ZBTB46: variants seen among roughly 807,000 people sequenced by gnomAD.
ZBTB46 encodes zinc finger and BTB domain-containing protein 46.
A neutral mutation model predicts 44.1 loss-of-function variants in ZBTB46; 8 were observed. That is an observed-to-expected ratio of 0.18 (90% CI 0.11 to 0.33). The LOEUF (loss-of-function observed/expected upper bound fraction) is 0.33. ZBTB46 is among the 10% of genes least tolerant of loss of function. The probability of loss-of-function intolerance (pLI) is 1.00; values close to 1 mark genes in which losing one functional copy is unlikely to be tolerated. For missense variants in ZBTB46, 651 were observed against 847.7 expected (o/e 0.77, Z 2.88); for synonymous variants, 409 against 382.3 (o/e 1.07, Z -0.81).
At chr20:63,768,804 G>A (rs188065077) in intron 3 of ZBTB46, among the ~76,000 whole-genome samples, 120 of 152,202 alleles carry the variant, frequency 7.9e-4, no homozygotes, top group African/African-American at 2.8e-3. Flanking sequence ...TGTGAGGCTC[G>A]GACTGGGGCA....
intron 3 of ZBTB46, among the ~76,000 whole-genome samples, chr20:63,771,018 C>G (rs1333948907): frequency 1.9e-4 from 26 of 137,616 alleles, no homozygotes; most frequent in African/African-American, 4.8e-4. Flanking sequence ...AGCAGGAGGT[C>G]GCAAGTCAGC....
intron 3 of ZBTB46, chr20:63,768,174 A>G (rs2092336504): frequency 4.1e-6 from 4 of 969,170 alleles, no homozygotes; most frequent in Non-Finnish European, 3.7e-6. Context: ...AAATATATGC[A>G]TTAACAAAAC....
rs746631749 is a variant in ZBTB46 at position 63,747,075 on chromosome 20, C to T, written c.1625G>A (p.Arg542Gln). ...GPYLEDPEDP[R>Q]GEAEELGEDD... ...CTCGCCCAGCTCCTCCGCCTCCCCT[C>T]GTGGGTCCTCAGGGTCCTCCAGATA... is the stretch of plus-strand genomic sequence containing the variant. The change falls in exon 5 of 5, where the codon CGA (arginine) becomes CAA (glutamine). Residue 542 changes from arginine (R) to glutamine (Q), a missense_variant. Around this residue, in one of 5 missense-constraint regions of ZBTB46, gnomAD observed 106 missense variants for 81.0 expected, o/e 1.31. Coordinates refer to ENST00000245663, the MANE Select transcript of ZBTB46 (RefSeq NM_001369741.1). The T allele has an allele frequency of 1.2e-5, 19 of 1,608,904 alleles. No homozygotes were observed. Among genetic ancestry groups the T allele is most frequent in the African/African-American group, 9.4e-5 (7 of 74,850 alleles).
rs369691406 is a variant in ZBTB46, at chr20:63,746,995, C to T, written c.1705G>A (p.Glu569Lys). The T allele has an allele frequency of 6.2e-6, 10 of 1,607,572 alleles. No individual in the cohort carries two copies. The highest frequency in any genetic ancestry group is 2.7e-5 in the African/African-American group (2 of 74,898). ...GGGCTGCGCGGCCGCGGCGAGTCTTCCTCATCCTTGTCGTCCGCCAACAGC... is the reference window on the plus strand; with the variant it reads ...GGGCTGCGCGGCCGCGGCGAGTCTTTCTCATCCTTGTCGTCCGCCAACAGC... ...DALLADDKDE[E>K]DSPRPRSPPG... The change falls in exon 5 of 5, where the codon GAA becomes AAA. Residue 569 changes from glutamate to lysine, a missense_variant. Physicochemically the swap from Glu to Lys is moderately conservative, Grantham distance 56. Around this residue, in one of 5 missense-constraint regions of ZBTB46, gnomAD observed 106 missense variants for 81.0 expected, o/e 1.31. Transcript: ENST00000245663.
At position 63,781,985 on chromosome 20, in the gene ZBTB46, G is replaced by A. The variant is rs551082875; in HGVS notation, c.938-6023C>T. 2.0e-5 allele frequency among the ~76,000 whole-genome samples: 3 copies of A among 151,660 alleles called. No homozygotes were observed. In the East Asian group the frequency reaches 5.8e-4, roughly 29 times the overall value. On this transcript the variant is annotated intron_variant, in intron 2 of 4. Coordinates refer to ENST00000245663, the MANE Select transcript of ZBTB46 (RefSeq NM_001369741.1). ...GCCTGTAGTCTCAGCTACTCAGGAG[G>A]CTGAGGCAGGAGAATGGCATGAACC...
At chr20:63,794,361 C>T (rs6011117) in intron 1 of ZBTB46, among the ~76,000 whole-genome samples, 12,464 of 152,050 alleles carry the variant, frequency 0.082, 945 homozygotes, top group East Asian at 0.43. Context: ...CTGGCTAACT[C>T]TTTCATTTTT....
intron 1 of ZBTB46, among the ~76,000 whole-genome samples, chr20:63,798,673 T>TAAAAAAA (rs1568882836): frequency 0.014 from 28 of 1,966 alleles, no homozygotes; most frequent in Non-Finnish European, 0.028. Context: ...AGACTCTGTC[T>TAAAAAAA]CAAAAAAAAA....
At position 63,772,754 on chromosome 20, in the gene ZBTB46, CACACACACACA is replaced by C. The variant is rs1568850355; in HGVS notation, c.1222+2913_1222+2923del. Among the ~76,000 whole-genome samples, 523 of 61,322 alleles carry C rather than the reference CACACACACACA, an allele frequency of 8.5e-3. 6 individuals carry two copies. The highest frequency in any genetic ancestry group is 0.04 in the East Asian group (45 of 1,116). The allele number at this position is 61,322 out of a possible 152,430, so 40.2% of individuals were successfully genotyped here. ...ACACACACACACACACACACACACA[CACACACACACA>C]CAGAAGTGCGGGGTGTGCCCTCACC... On this transcript the variant is annotated intron_variant, in intron 3 of 4. Coordinates refer to ENST00000245663, the MANE Select transcript of ZBTB46 (RefSeq NM_001369741.1).
intron 1 of ZBTB46, among the ~76,000 whole-genome samples, chr20:63,827,098 T>A (rs1298009524): frequency 1.3e-5 from 2 of 152,022 alleles, no homozygotes; most frequent in East Asian, 3.9e-4. Flanking sequence ...CCAGGCACCC[T>A]CCTCCCAGCC....
intron 2 of ZBTB46, among the ~76,000 whole-genome samples, chr20:63,785,438 G>A (rs2092507097): frequency 6.6e-6 from 1 of 151,852 alleles, no homozygotes; most frequent in African/African-American, 2.4e-5. Flanking sequence ...ACGGGAGCCT[G>A]TAATCCCAGC....
intron 3 of ZBTB46, among the ~76,000 whole-genome samples, chr20:63,758,447 TC>T (rs979841140): frequency 1.3e-5 from 2 of 151,916 alleles, no homozygotes; most frequent in Non-Finnish European, 2.9e-5. Flanking sequence ...CCCTGGTGCT[TC>T]CCCATGTGTC....
chr20:63,779,868 C>A (rs988870123), intron 2 of ZBTB46, among the ~76,000 whole-genome samples: 13 of 151,938 alleles, frequency 8.6e-5, no homozygotes, highest in African/African-American at 1.9e-4. Context: ...CCAAAATCAC[C>A]CAATTTTAAA....
intron 1 of ZBTB46, among the ~76,000 whole-genome samples, chr20:63,819,029 C>T (rs1220132924): frequency 6.6e-6 from 1 of 151,824 alleles, no homozygotes; most frequent in Admixed American, 6.6e-5. Flanking sequence ...AAAAATTAGC[C>T]AGGCGTGGTG....
At chr20:63,765,342 G>A (rs893816956) in intron 3 of ZBTB46, among the ~76,000 whole-genome samples, 3 of 152,176 alleles carry the variant, frequency 2.0e-5, no homozygotes, top group African/African-American at 7.2e-5. Flanking sequence ...CTGGGGTGAA[G>A]GGCAGCTCAT....
At chr20:63,806,349 G>A (rs2092681114) in intron 1 of ZBTB46, among the ~76,000 whole-genome samples, 1 of 148,926 alleles carries the variant, frequency 6.7e-6, no homozygotes, top group Non-Finnish European at 1.5e-5. Context: ...AGAGGTTGCA[G>A]TGAGCCGAGA....
intron 1 of ZBTB46, among the ~76,000 whole-genome samples, chr20:63,796,856 A>T (rs2092607883): frequency 6.6e-6 from 1 of 151,680 alleles, no homozygotes; most frequent in Non-Finnish European, 1.5e-5. Context: ...AAATAAAATA[A>T]AATAAAATTT....
intron 2 of ZBTB46, among the ~76,000 whole-genome samples, chr20:63,789,013 C>A (rs2092538386): frequency 6.6e-6 from 1 of 151,338 alleles, no homozygotes; most frequent in South Asian, 2.1e-4. Flanking sequence ...AGACGGGGTT[C>A]TCCATGTTGG....
chr20:63,833,731 C>A (rs1377313952), upstream of ZBTB46, among the ~76,000 whole-genome samples: 3 of 152,220 alleles, frequency 2.0e-5, no homozygotes, highest in Admixed American at 2.0e-4. Flanking sequence ...AGACTCCTGA[C>A]TTTTCTGCTC....
At chr20:63,792,362 G>C (rs548375794) in intron 1 of ZBTB46, among the ~76,000 whole-genome samples, 2 of 152,196 alleles carry the variant, frequency 1.3e-5, no homozygotes, top group African/African-American at 4.8e-5. Context: ...AAAACTAAGC[G>C]AGCGTGGGAG....
Sources: allele counts gnomAD v4.1 joint callset (sites outside exome capture counted in the v4.1 genomes callset), GRCh38; gene constraint gnomAD v4.1.1; regional missense constraint gnomAD v4.1.1; transcripts MANE v1.5; gene names NCBI Gene and HGNC (gene_info 2026-07-23, HGNC 2026-07-21).